Variants in PLD1 observed in about 807,000 individuals in gnomAD.
PLD1 encodes the protein choline phosphatase 1.
Under a neutral mutation model 137.1 loss-of-function variants are expected in PLD1, and 112 were observed. The ratio of observed to expected loss-of-function variants is 0.82; its 90% CI spans 0.70 to 0.96. The LOEUF (loss-of-function observed/expected upper bound fraction) is 0.96, where lower values mean the gene tolerates loss of function less well. Ranked by LOEUF, PLD1 falls within the 40% of genes least tolerant of loss-of-function variation. The pLI, the probability that PLD1 is intolerant of heterozygous loss-of-function variation, is 0.00. For synonymous variants in PLD1, 431 were observed against 454.7 expected (o/e 0.95, Z 0.66); for missense variants, 1,321 against 1,342.0 (o/e 0.98, Z 0.24).
chr3:171,732,664 T>G lies in PLD1; in HGVS notation c.606+780A>C, dbSNP rs192426112. Among the ~76,000 whole-genome samples the G allele has an allele frequency of 2.0e-5, 3 of 152,356 alleles. No individual in the cohort carries two copies. In the East Asian group the frequency reaches 5.8e-4, roughly 29 times the overall value. ...TGCACCAACTCTAGAGTTCTGCACATATATAATATAGATGCATACAGCCCC... is the reference window on the plus strand; with the variant it reads ...TGCACCAACTCTAGAGTTCTGCACAGATATAATATAGATGCATACAGCCCC... On this transcript the variant is annotated intron_variant, in intron 6 of 26. Coordinates refer to ENST00000351298, the MANE Select transcript of PLD1 (RefSeq NM_002662.5).
chr3:171,808,146 C>G (rs980361806), intron 1 of PLD1, among the ~76,000 whole-genome samples: 1 of 152,092 alleles, frequency 6.6e-6, no homozygotes. Context: ...GGTGACGGGA[C>G]CAGTTGTACC....
chr3:171,764,887 GA>G (rs1174163137), intron 1 of PLD1, among the ~76,000 whole-genome samples: 16 of 22,458 alleles, frequency 7.1e-4, no homozygotes, highest in East Asian at 5.4e-3. Flanking sequence ...AAGAAAGAAA[GA>G]AAGAAAGGAA....
intron 10 of PLD1, 28 bp downstream of exon 10, chr3:171,709,532 T>C: frequency 6.2e-7 from 1 of 1,606,172 alleles, no homozygotes; most frequent in Non-Finnish European, 8.5e-7. Context: ...ATGACTGCCT[T>C]GACAGGCTTA....
chr3:171,609,793 G>A (rs1032285100), intron 25 of PLD1, among the ~76,000 whole-genome samples: 8 of 152,056 alleles, frequency 5.3e-5, no homozygotes, highest in Admixed American at 5.2e-4. Flanking sequence ...ATCACCTAAT[G>A]GGTACAATGT....
chr3:171,659,484 T>G (rs1737492715), intron 20 of PLD1, among the ~76,000 whole-genome samples, 183 bp from the exon 21 acceptor site: 1 of 152,244 alleles, frequency 6.6e-6, no homozygotes, highest in Non-Finnish European at 1.5e-5. Context: ...GGGTCTCATC[T>G]GATTCCAGGT....
intron 1 of PLD1, among the ~76,000 whole-genome samples, chr3:171,739,084 G>A (rs1719587988): frequency 6.6e-6 from 1 of 152,182 alleles, no homozygotes; most frequent in African/African-American, 2.4e-5. Context: ...GCAGGCCCCT[G>A]TGATTAAGGA....
intron 1 of PLD1, among the ~76,000 whole-genome samples, chr3:171,763,486 AGGG>A (rs1721572974): frequency 2.2e-4 from 2 of 9,236 alleles, no homozygotes; most frequent in Non-Finnish European, 3.8e-4. Context: ...GGAGGGGAGG[AGGG>A]GAGGGGAGGG....
intron 11 of PLD1, among the ~76,000 whole-genome samples, chr3:171,701,006 T>C (rs901636055): frequency 1.3e-5 from 2 of 152,214 alleles, no homozygotes; most frequent in African/African-American, 4.8e-5. Flanking sequence ...GAAAGCCTTA[T>C]GGAATTCTGC....
At position 171,738,298 on chromosome 3, in the gene PLD1, C is replaced by T. The variant is rs9824139; in HGVS notation, c.-31-216G>A. On this transcript the variant is annotated intron_variant, in intron 1 of 26. Transcript: ENST00000351298. ...TTAAAACAGAGTGCTTAATTGAAAACAAGAGAAAAAAAAAAGAAAAAAAAA... is the reference window on the plus strand; with the variant it reads ...TTAAAACAGAGTGCTTAATTGAAAATAAGAGAAAAAAAAAAGAAAAAAAAA... Among the ~76,000 whole-genome samples, 1,032 of 137,930 alleles carry T rather than the reference C, an allele frequency of 7.5e-3. 12 individuals carry two copies. The highest frequency in any genetic ancestry group is 0.022 in the African/African-American group (810 of 37,476). 90.5% of individuals were successfully genotyped at this position (137,930 alleles called of 152,430 possible).
chr3:171,797,156 AAC>A (rs1267659478), intron 1 of PLD1, among the ~76,000 whole-genome samples: 2 of 152,018 alleles, frequency 1.3e-5, no homozygotes, highest in African/African-American at 4.8e-5. Context: ...TCTCCCTCCC[AAC>A]AGTAGAGTGT....
intron 1 of PLD1, among the ~76,000 whole-genome samples, chr3:171,742,580 G>A (rs570930838): frequency 2.4e-4 from 37 of 151,876 alleles, no homozygotes; most frequent in African/African-American, 4.8e-4. Context: ...ATGTATGAAC[G>A]TAAAAAAAAA....
intron 1 of PLD1, among the ~76,000 whole-genome samples, chr3:171,787,685 G>C (rs1051928260): frequency 1.3e-5 from 2 of 151,942 alleles, no homozygotes; most frequent in African/African-American, 4.8e-5. Context: ...GTGTGTTGGG[G>C]GCATGGTACA....
intron 11 of PLD1, among the ~76,000 whole-genome samples, chr3:171,706,690 G>C (rs1716722529): frequency 6.6e-6 from 1 of 152,134 alleles, no homozygotes; most frequent in African/African-American, 2.4e-5. Context: ...CTAGTGTTTG[G>C]TTAAGTTTCT....
chr3:171,712,150 A>G (rs1248223733), intron 9 of PLD1, among the ~76,000 whole-genome samples: 3 of 152,212 alleles, frequency 2.0e-5, no homozygotes, highest in South Asian at 2.1e-4. Context: ...GCTTTCCTCA[A>G]TATGTCAGAG....
intron 19 of PLD1, among the ~76,000 whole-genome samples, chr3:171,665,865 C>T (rs1227644657): frequency 2.0e-5 from 3 of 152,194 alleles, no homozygotes; most frequent in Middle Eastern, 3.4e-3. Context: ...GTCCAAGCCC[C>T]GTATCCTTTA....
In PLD1 at chr3:171,680,242, CT is replaced by C. The variant is rs571538714; in HGVS notation, c.1868-2549del. Among the ~76,000 whole-genome samples the C allele has an allele frequency of 6.5e-3, 666 of 102,870 alleles. 15 individuals carry two copies. The highest frequency in any genetic ancestry group is 0.019 in the African/African-American group (443 of 23,880). 67.5% of individuals were successfully genotyped at this position (102,870 alleles called of 152,430 possible). On this transcript the variant is annotated intron_variant, in intron 16 of 26. Transcript: ENST00000351298. ...GTCTTTTTGTTTTCTTTTTCTTCCT[CT>C]TTTTTTTTTTTTTTTTTTTTTTTTT...
At chr3:171,626,261 G>C (rs549032176) in intron 23 of PLD1, among the ~76,000 whole-genome samples, 3 of 152,258 alleles carry the variant, frequency 2.0e-5, no homozygotes, top group South Asian at 4.1e-4. Context: ...AGTGATGGAA[G>C]ACAAAATGAA....
At chr3:171,681,898 T>C (rs1183457229) in intron 16 of PLD1, among the ~76,000 whole-genome samples, 1 of 152,218 alleles carries the variant, frequency 6.6e-6, no homozygotes, top group East Asian at 1.9e-4. Context: ...CTCAACTAAA[T>C]TGCAAAAATA....
intron 1 of PLD1, among the ~76,000 whole-genome samples, chr3:171,808,783 A>C (rs1462160806): frequency 6.6e-6 from 1 of 150,672 alleles, no homozygotes; most frequent in Non-Finnish European, 1.5e-5. Context: ...AAACATTGTA[A>C]AGACACTTTT....
Sources: gnomAD v4.1 joint callset for allele counts (sites outside exome capture counted in the v4.1 genomes callset) on GRCh38, gnomAD v4.1.1 for gene constraint, MANE v1.5 for transcripts, NCBI Gene and HGNC (gene_info 2026-07-23, HGNC 2026-07-21) for gene names.